The following CELF2 variants were observed in gnomAD, a reference collection of about 807,000 sequenced individuals.
The protein encoded by CELF2 is CUGBP Elav-like family member 2, also known as CUG triplet repeat RNA-binding protein 2.
A neutral mutation model predicts 62.6 loss-of-function variants in CELF2; 8 were observed. The ratio of observed to expected loss-of-function variants is 0.13; its 90% CI spans 0.07 to 0.23. The LOEUF (loss-of-function observed/expected upper bound fraction) is 0.23, where lower values mean the gene tolerates loss of function less well. Among genes scored for constraint, CELF2 ranks in the 10% least tolerant of loss-of-function variants. CELF2 has a pLI of 1.00. For missense variants in CELF2, 333 were observed against 671.0 expected, an observed-to-expected ratio of 0.50 and a Z score of 5.56; for synonymous variants, 258 against 250.0, an observed-to-expected ratio of 1.03 and a Z score of -0.30.
chr10:10,745,131 A>C, the CELF2 span, among the ~76,000 whole-genome samples: 6 of 119,364 alleles, frequency 5.0e-5, no homozygotes, highest in South Asian at 9.3e-4. Context: ...AAAAAAACAA[A>C]ACAAAAAAAA....
At chr10:11,272,025 G>A (rs950617434) in intron 7 of CELF2, among the ~76,000 whole-genome samples, 3 of 152,166 alleles carry the variant, frequency 2.0e-5, no homozygotes, top group Non-Finnish European at 2.9e-5. Flanking sequence ...TGAGGACTCC[G>A]GGTGCTGCTG....
At chr10:10,554,366 C>T in the CELF2 span, among the ~76,000 whole-genome samples, 1 of 152,196 alleles carries the variant, frequency 6.6e-6, no homozygotes, top group Admixed American at 6.5e-5. Flanking sequence ...GGGTCTTTGG[C>T]GTGTTTGCAC....
chr10:10,471,512 T>C, the CELF2 span, among the ~76,000 whole-genome samples: 1 of 151,728 alleles, frequency 6.6e-6, no homozygotes, highest in South Asian at 2.1e-4. Flanking sequence ...GAGTAGAATA[T>C]TGTAGATTAC....
At chr10:10,773,653 C>T in the CELF2 span, among the ~76,000 whole-genome samples, 3 of 152,190 alleles carry the variant, frequency 2.0e-5, no homozygotes, top group Non-Finnish European at 4.4e-5. Context: ...GAATTACCTG[C>T]AGGACTTTTC....
intron 2 of CELF2, among the ~76,000 whole-genome samples, chr10:11,205,331 A>C (rs1589018479): frequency 6.6e-6 from 1 of 152,152 alleles, no homozygotes; most frequent in Non-Finnish European, 1.5e-5. Flanking sequence ...AAGTGGAGTA[A>C]AGCTACCTAT....
At chr10:10,753,203 TA>T in the CELF2 span, among the ~76,000 whole-genome samples, 1 of 152,180 alleles carries the variant, frequency 6.6e-6, no homozygotes, top group Non-Finnish European at 1.5e-5. Context: ...AAACACAATT[TA>T]AGGCCATTAT....
rs1222824916 is a variant in CELF2, at chr10:11,316,846, T to C, written c.1096+2588T>C. On this transcript the variant is annotated intron_variant, in intron 10 of 12. Transcript: ENST00000633077. This position sits in a 1 kb window ranked among gnomAD's most constrained non-coding sequence, Gnocchi z 4.4. The stretch of plus-strand genomic sequence containing the variant: ...TCAATTAAACTGTTTGAGTTTGATA[T>C]CCTTTTTATTCCCTGATACATTAAT... 3.3e-5 allele frequency: 5 copies of C among 152,226 alleles called. No individual in the cohort carries two copies. Among genetic ancestry groups the C allele is most frequent in the African/African-American group, 1.2e-4 (5 of 41,456 alleles). 9.4% of individuals were successfully genotyped at this position (152,226 alleles called of 1,614,324 possible).
chr10:10,591,615 T>G, the CELF2 span, among the ~76,000 whole-genome samples: 1 of 152,206 alleles, frequency 6.6e-6, no homozygotes, highest in Non-Finnish European at 1.5e-5. Flanking sequence ...GTATATTTTA[T>G]TAAAAATTAC....
At chr10:10,905,207 G>C (rs2063238040) in intron 1 of CELF2, among the ~76,000 whole-genome samples, 1 of 152,164 alleles carries the variant, frequency 6.6e-6, no homozygotes, top group Admixed American at 6.5e-5. Context: ...ATAATTGGTG[G>C]CTGTTATGGA....
At chr10:11,160,951 C>T (rs2065583772) in intron 1 of CELF2, among the ~76,000 whole-genome samples, 1 of 152,158 alleles carries the variant, frequency 6.6e-6, no homozygotes. Context: ...CTTTTGTTTG[C>T]ATTCTCCCAA....
chr10:10,869,629 G>A (rs922255560), intron 1 of CELF2, among the ~76,000 whole-genome samples: 4 of 152,198 alleles, frequency 2.6e-5, no homozygotes, highest in African/African-American at 9.6e-5. Context: ...TTTCTGCTCT[G>A]TCCCAACAAC....
intron 1 of CELF2, among the ~76,000 whole-genome samples, chr10:10,885,485 C>A (rs996013958): frequency 2.0e-5 from 3 of 151,676 alleles, no homozygotes; most frequent in African/African-American, 7.3e-5. Context: ...AACTGTATAA[C>A]AAACCTCCTC....
At chr10:11,202,951 C>CTCTCTCTCTG (rs1338089859) in intron 2 of CELF2, among the ~76,000 whole-genome samples, 3 of 53,848 alleles carry the variant, frequency 5.6e-5, no homozygotes, top group Non-Finnish European at 1.1e-4. Context: ...CTCTCTCTCT[C>CTCTCTCTCTG]TGTGTGTGTG....
At chr10:11,228,636 T>C (rs919874648) in intron 3 of CELF2, among the ~76,000 whole-genome samples, 1 of 151,324 alleles carries the variant, frequency 6.6e-6, no homozygotes, top group Non-Finnish European at 1.5e-5. Context: ...GTGGAAGCAT[T>C]AGCCTAGATT....
At chr10:10,556,654 G>T in the CELF2 span, among the ~76,000 whole-genome samples, 2 of 152,080 alleles carry the variant, frequency 1.3e-5, no homozygotes, top group Non-Finnish European at 2.9e-5. Context: ...CACCAACAGT[G>T]TAAAAGTGTT....
At chr10:10,541,548 AG>A in the CELF2 span, among the ~76,000 whole-genome samples, 1 of 152,192 alleles carries the variant, frequency 6.6e-6, no homozygotes, top group Admixed American at 6.5e-5. Flanking sequence ...TTTCCAGGAA[AG>A]GGGTGGGCAA....
the CELF2 span, among the ~76,000 whole-genome samples, chr10:10,775,265 C>T: frequency 6.6e-6 from 1 of 152,144 alleles, no homozygotes; most frequent in Admixed American, 6.5e-5. Context: ...AAGGCCCTGA[C>T]AGAGGAACAA....
In CELF2 at chr10:11,246,395, G is replaced by C. The variant is rs2075620954; in HGVS notation, c.355-2758G>C. On this transcript the variant is annotated intron_variant, in intron 3 of 12. Coordinates refer to ENST00000633077, the MANE Select transcript of CELF2 (RefSeq NM_001326342.2). This position sits in a 1 kb window ranked among gnomAD's most constrained non-coding sequence, Gnocchi z 4.6. Reference sequence around the variant, plus strand: ...AGATGGGTGGCCCCCATCCTCCACTGAGCTTCCTGTTGAACTCCCTTTGCA... The same window carrying C: ...AGATGGGTGGCCCCCATCCTCCACTCAGCTTCCTGTTGAACTCCCTTTGCA... Among the ~76,000 whole-genome samples the C allele has an allele frequency of 6.6e-6, 1 of 152,040 alleles. No individual in the cohort carries two copies. The highest frequency in any genetic ancestry group is 6.5e-5 in the Admixed American group (1 of 15,274).
At chr10:11,193,408 G>C (rs958781617) in intron 2 of CELF2, among the ~76,000 whole-genome samples, 1 of 152,208 alleles carries the variant, frequency 6.6e-6, no homozygotes, top group Non-Finnish European at 1.5e-5. Context: ...AAGTTTCACC[G>C]TGACAAGTGC....
Sources: allele counts gnomAD v4.1 joint callset (sites outside exome capture counted in the v4.1 genomes callset), GRCh38; gene constraint gnomAD v4.1.1; non-coding constraint Gnocchi (gnomAD v3.1); transcripts MANE v1.5; gene names NCBI Gene and HGNC (gene_info 2026-07-23, HGNC 2026-07-21).